KLHDC10: variants seen among roughly 807,000 people sequenced by gnomAD.
The protein encoded by KLHDC10 is kelch domain-containing protein 10.
Under a neutral mutation model 56.1 loss-of-function variants are expected in KLHDC10, and 24 were observed. The ratio of observed to expected loss-of-function variants is 0.43; its 90% CI spans 0.31 to 0.60. The LOEUF (loss-of-function observed/expected upper bound fraction) is 0.60. Among genes scored for constraint, KLHDC10 ranks in the 20% least tolerant of loss-of-function variants. The pLI, the probability that KLHDC10 is intolerant of heterozygous loss-of-function variation, is 0.11. For missense variants in KLHDC10, 349 were observed against 567.0 expected (o/e 0.62, Z 3.91); for synonymous variants, 188 against 207.1 (o/e 0.91, Z 0.79).
chr7:130,130,479 T>G lies in KLHDC10; in HGVS notation c.1120-58T>G. 3 of 1,379,196 alleles carry G rather than the reference T, an allele frequency of 2.2e-6. No individual in the cohort carries two copies. Among genetic ancestry groups the G allele is most frequent in the Non-Finnish European group, 3.1e-6 (3 of 967,492 alleles). 85.4% of individuals were successfully genotyped at this position (1,379,196 alleles called of 1,614,324 possible). A position where few individuals can be genotyped will look rare whatever the true frequency, so the allele number is the denominator to read the frequency against. ...TCTACTATGCTTTTTCCCCACTGAGTCTTCAGCCTTGTATGTTTCTCTCCC... is the reference window on the plus strand; with the variant it reads ...TCTACTATGCTTTTTCCCCACTGAGGCTTCAGCCTTGTATGTTTCTCTCCC... On this transcript the variant is annotated intron_variant, in intron 9 of 9. Coordinates refer to ENST00000335420, the MANE Select transcript of KLHDC10 (RefSeq NM_014997.4). This position sits in a 1 kb window ranked among gnomAD's most constrained non-coding sequence, Gnocchi z 4.2.
chr7:130,087,060 A>G (rs982478425), intron 1 of KLHDC10, among the ~76,000 whole-genome samples: 2 of 152,216 alleles, frequency 1.3e-5, no homozygotes, highest in Non-Finnish European at 2.9e-5. Context: ...GGTACCCAGG[A>G]CAAAACCTTG....
chr7:130,126,492 A>G (rs1796317838), intron 7 of KLHDC10, among the ~76,000 whole-genome samples: 1 of 151,812 alleles, frequency 6.6e-6, no homozygotes, highest in East Asian at 2.0e-4. Context: ...CCTGGCCAAC[A>G]TGGTGAAACC....
At chr7:130,095,966 G>A (rs1263823211) in intron 1 of KLHDC10, among the ~76,000 whole-genome samples, 1 of 152,138 alleles carries the variant, frequency 6.6e-6, no homozygotes, top group Non-Finnish European at 1.5e-5. Context: ...GTAATTATTT[G>A]TTTACACATC....
intron 1 of KLHDC10, among the ~76,000 whole-genome samples, chr7:130,092,821 G>T (rs1795794322): frequency 6.6e-6 from 1 of 152,146 alleles, no homozygotes; most frequent in East Asian, 1.9e-4. Context: ...ACTTCTTCCT[G>T]CTGTCTTTTA....
intron 2 of KLHDC10, among the ~76,000 whole-genome samples, chr7:130,115,708 T>A (rs1400077374): frequency 2.5e-5 from 2 of 79,900 alleles, no homozygotes; most frequent in Non-Finnish European, 4.6e-5. Flanking sequence ...GAGTGAGACT[T>A]GGTCTCAAAA....
At chr7:130,094,064 C>A (rs1269368885) in intron 1 of KLHDC10, among the ~76,000 whole-genome samples, 1 of 152,048 alleles carries the variant, frequency 6.6e-6, no homozygotes, top group Non-Finnish European at 1.5e-5. Context: ...GCTGGGTTTA[C>A]AGGCACCTGC....
intron 1 of KLHDC10, among the ~76,000 whole-genome samples, chr7:130,095,636 C>T (rs1014991309): frequency 6.6e-6 from 1 of 152,134 alleles, no homozygotes; most frequent in Non-Finnish European, 1.5e-5. Context: ...CAGGTGATGC[C>T]ATTTCATTAT....
intron 2 of KLHDC10, among the ~76,000 whole-genome samples, chr7:130,111,881 A>G (rs1796106452): frequency 6.6e-6 from 1 of 152,202 alleles, no homozygotes; most frequent in Non-Finnish European, 1.5e-5. Context: ...TTAACCTGAC[A>G]CCAATTTATA....
At position 130,116,532 on chromosome 7, in the gene KLHDC10, A is replaced by G. The variant is rs776874234; in HGVS notation, c.341A>G (p.Tyr114Cys). The change falls in exon 3 of 10, where the codon TAT becomes TGT. Residue 114 changes from tyrosine (Y) to cysteine (C), a missense_variant. By Grantham distance (194) the Tyr-to-Cys change is radical (BLOSUM62 -2). Around this residue, in one of 2 missense-constraint regions of KLHDC10, gnomAD observed 245 missense variants for 470.1 expected, o/e 0.52. Transcript: ENST00000335420. The surrounding 1 kb of genome is among the most constrained non-coding windows in gnomAD (Gnocchi z 4.8). ...LYVFGGYNPD[Y>C]DESGGPDNED... Reference sequence around the variant, plus strand: ...GTGTTTGGAGGTTATAACCCAGATTATGATGAATCGGGAGGGCCTGATAAT... The same window carrying G: ...GTGTTTGGAGGTTATAACCCAGATTGTGATGAATCGGGAGGGCCTGATAAT... 6.2e-7 allele frequency: 1 copy of G among 1,614,164 alleles called. No homozygotes were observed. Among genetic ancestry groups the G allele is most frequent in the South Asian group, 1.1e-5 (1 of 91,092 alleles).
chr7:130,092,076 C>T (rs974137062), intron 1 of KLHDC10, among the ~76,000 whole-genome samples: 7 of 152,208 alleles, frequency 4.6e-5, no homozygotes, highest in Non-Finnish European at 1.5e-5. Flanking sequence ...AATCAGTTGA[C>T]ACTGTGGATG....
chr7:130,132,067 T>C lies in KLHDC10; in HGVS notation c.*1321T>C, dbSNP rs1796408944. 6.6e-6 allele frequency: 1 copy of C among 152,150 alleles called. No individual in the cohort carries two copies. Among genetic ancestry groups the C allele is most frequent in the South Asian group, 2.1e-4 (1 of 4,830 alleles). 9.4% of individuals were successfully genotyped at this position (152,150 alleles called of 1,614,324 possible). The stretch of plus-strand genomic sequence containing the variant: ...TTAGTTCTGGTTTGTTTGATTTGTT[T>C]TTTTTTTAATTCTAAAAAGAATGAC... On this transcript the variant is annotated 3_prime_UTR_variant, in exon 10 of 10. Coordinates refer to ENST00000335420, the MANE Select transcript of KLHDC10 (RefSeq NM_014997.4).
At chr7:130,126,208 C>T (rs1237800935) in intron 7 of KLHDC10, among the ~76,000 whole-genome samples, 1 of 152,144 alleles carries the variant, frequency 6.6e-6, no homozygotes, top group East Asian at 1.9e-4. Flanking sequence ...GTCCCAGCTA[C>T]TCCGGAGGCT....
chr7:130,099,806 A>G (rs140412761), intron 2 of KLHDC10, among the ~76,000 whole-genome samples: 58 of 152,298 alleles, frequency 3.8e-4, no homozygotes, highest in South Asian at 8.3e-4. Context: ...TGAGATTATT[A>G]TAGTTATTAG....
rs1563109832 is a variant in KLHDC10, at chr7:130,135,125, A to G, written c.*4379A>G. 1 of 150,958 alleles carries G rather than the reference A, an allele frequency of 6.6e-6. No homozygotes were observed. Among genetic ancestry groups the G allele is most frequent in the Admixed American group, 6.6e-5 (1 of 15,162 alleles). The allele number at this position is 150,958 out of a possible 1,614,324, so 9.4% of individuals were successfully genotyped here. On this transcript the variant is annotated 3_prime_UTR_variant, in exon 10 of 10. Transcript: ENST00000335420. Reference sequence around the variant, plus strand: ...AAAAAAAAAAAAACAACTTTTTATAAGTTTTTTAAGGGCCCTGCTTAGTCA... The same window carrying G: ...AAAAAAAAAAAAACAACTTTTTATAGGTTTTTTAAGGGCCCTGCTTAGTCA...
intron 1 of KLHDC10, among the ~76,000 whole-genome samples, chr7:130,071,947 GGTT>G (rs535546273): frequency 6.6e-6 from 1 of 152,068 alleles, no homozygotes; most frequent in Non-Finnish European, 1.5e-5. Flanking sequence ...TTCGTGATGA[GGTT>G]GTTGATGTGT....
chr7:130,124,508 T>C lies in KLHDC10; in HGVS notation c.837T>C (p.Thr279=), dbSNP rs1164906264. The change falls in exon 6 of 10, where the codon ACT becomes ACC. Residue 279 remains threonine (T), a synonymous_variant. Coordinates refer to ENST00000335420, the MANE Select transcript of KLHDC10 (RefSeq NM_014997.4). The part of the protein sequence containing the change: ...GQRIYILGGG[T]SWTAYSLNKI... ...GGATTTACATCTTGGGAGGTGGTAC[T>C]TCCTGGACAGCATATTCCTTAAACA... 2 of 1,594,624 alleles carry C rather than the reference T, an allele frequency of 1.3e-6. No individual in the cohort carries two copies. The highest frequency in any genetic ancestry group is 1.3e-5 in the African/African-American group (1 of 74,664).
In KLHDC10 at chr7:130,096,862, A is replaced by G. The variant is rs1325543687; in HGVS notation, c.167-59A>G. On this transcript the variant is annotated intron_variant, in intron 1 of 9. Coordinates refer to ENST00000335420, the MANE Select transcript of KLHDC10 (RefSeq NM_014997.4). ...TTCTGTCTTTATAACTACAGTAACT[A>G]TGTATTATTTGCAATGTGTTGTATG... The G allele has an allele frequency of 7.8e-6, 9 of 1,151,686 alleles. No homozygotes were observed. In the Admixed American group the frequency reaches 1.3e-4, roughly 16 times the overall value. The allele number at this position is 1,151,686 out of a possible 1,614,324, so 71.3% of individuals were successfully genotyped here.
intron 2 of KLHDC10, among the ~76,000 whole-genome samples, chr7:130,099,715 A>T (rs2116874645): frequency 6.6e-6 from 1 of 152,370 alleles, no homozygotes; most frequent in South Asian, 2.1e-4. Flanking sequence ...GGCCCAGATC[A>T]AGTGGGCACC....
intron 2 of KLHDC10, among the ~76,000 whole-genome samples, chr7:130,107,650 C>T (rs1403804185): frequency 4.0e-5 from 6 of 151,652 alleles, no homozygotes; most frequent in East Asian, 1.9e-4. Flanking sequence ...TCAAGACCAG[C>T]CTGGCCAACA....
Sources: gnomAD v4.1 joint callset for allele counts (sites outside exome capture counted in the v4.1 genomes callset) on GRCh38, gnomAD v4.1.1 for gene constraint, gnomAD v4.1.1 regional missense constraint, Gnocchi (gnomAD v3.1) non-coding constraint, MANE v1.5 for transcripts, NCBI Gene and HGNC (gene_info 2026-07-23, HGNC 2026-07-21) for gene names.